Variants in TPTE observed in about 807,000 individuals in gnomAD.
TPTE encodes the protein putative tyrosine-protein phosphatase TPTE.
In TPTE, 59 loss-of-function variants were observed where a neutral mutation model predicts 84.1. The observed-to-expected ratio is 0.70, with a 90% CI of 0.57 to 0.87. TPTE has a LOEUF of 0.87. Ranked by LOEUF, TPTE falls within the 40% of genes least tolerant of loss-of-function variation. TPTE has a pLI of 0.00. For synonymous variants in TPTE, 130 were observed against 223.5 expected (o/e 0.58, Z 3.73); for missense variants, 382 against 659.6 (o/e 0.58, Z 4.61).
intron 14 of TPTE, among the ~76,000 whole-genome samples, chr21:10,575,462 T>C (rs555395096): frequency 6.4e-4 from 98 of 152,180 alleles, no homozygotes; most frequent in African/African-American, 2.3e-3. Flanking sequence ...ACAGGTGGTC[T>C]GGAGGAGGAA....
intron 18 of TPTE, among the ~76,000 whole-genome samples, chr21:10,591,887 C>T (rs2075483399): frequency 6.6e-6 from 1 of 152,308 alleles, no homozygotes; most frequent in Non-Finnish European, 1.5e-5. Context: ...TGCGGCCGGG[C>T]ACGGGTGGCT....
chr21:10,546,874 A>C (rs1199249842), intron 7 of TPTE, among the ~76,000 whole-genome samples: 1 of 152,312 alleles, frequency 6.6e-6, no homozygotes, highest in Non-Finnish European at 1.5e-5. Context: ...TAAAAGTGCA[A>C]GGTAAACAGC....
intron 14 of TPTE, among the ~76,000 whole-genome samples, chr21:10,570,845 A>T (rs1347204516): frequency 6.6e-6 from 1 of 152,310 alleles, no homozygotes; most frequent in Non-Finnish European, 1.5e-5. Context: ...TGTCTCAACT[A>T]AGCTCATTCA....
chr21:10,547,738 G>A (rs1348210639), intron 7 of TPTE, among the ~76,000 whole-genome samples: 3 of 152,312 alleles, frequency 2.0e-5, no homozygotes, highest in Non-Finnish European at 4.4e-5. Context: ...CACATGGGTG[G>A]GTTAAAGCCA....
At chr21:10,584,226 GTTAT>G (rs1202604221) in intron 17 of TPTE, among the ~76,000 whole-genome samples, 4 of 152,292 alleles carry the variant, frequency 2.6e-5, no homozygotes, top group African/African-American at 9.6e-5. Context: ...TTTTTTTGTG[GTTAT>G]TTAAATGATA....
chr21:10,596,824 T>C (rs1433853639), intron 20 of TPTE, among the ~76,000 whole-genome samples: 3 of 152,306 alleles, frequency 2.0e-5, no homozygotes, highest in Non-Finnish European at 4.4e-5. Flanking sequence ...TTTTTAGCCT[T>C]CTGAGTTTAG....
At chr21:10,555,365 C>T (rs2145657831) in intron 8 of TPTE, among the ~76,000 whole-genome samples, 1 of 152,420 alleles carries the variant, frequency 6.6e-6, no homozygotes, top group African/African-American at 2.4e-5. Context: ...CACCACCACG[C>T]CCAGCTAATT....
intron 17 of TPTE, among the ~76,000 whole-genome samples, chr21:10,585,368 C>A (rs1420083434): frequency 6.6e-6 from 1 of 151,836 alleles, no homozygotes; most frequent in Admixed American, 6.5e-5. Context: ...GATAATTTTT[C>A]TACTTTATCC....
At chr21:10,593,146 A>C (rs1395935038) in intron 19 of TPTE, among the ~76,000 whole-genome samples, 1 of 152,278 alleles carries the variant, frequency 6.6e-6, no homozygotes, top group Non-Finnish European at 1.5e-5. Context: ...CTCCACTCAC[A>C]CCCCCCAACC....
At chr21:10,566,587 A>G (rs557365845) in intron 10 of TPTE, among the ~76,000 whole-genome samples, 7 of 152,424 alleles carry the variant, frequency 4.6e-5, no homozygotes, top group Admixed American at 4.6e-4. Context: ...CATAATGGCT[A>G]AGATTTGGAA....
chr21:10,565,127 A>G (rs2074895225), intron 10 of TPTE, among the ~76,000 whole-genome samples: 1 of 152,310 alleles, frequency 6.6e-6, no homozygotes, highest in African/African-American at 2.4e-5. Context: ...TCCACCAAAA[A>G]AAACTATTAG....
At chr21:10,532,675 A>G (rs1207829439) in intron 3 of TPTE, among the ~76,000 whole-genome samples, 3 of 152,302 alleles carry the variant, frequency 2.0e-5, no homozygotes, top group African/African-American at 7.2e-5. Flanking sequence ...TATCCTACAA[A>G]CTTTGTCATG....
At chr21:10,594,098 T>C (rs1257826999) in intron 19 of TPTE, among the ~76,000 whole-genome samples, 1 of 152,306 alleles carries the variant, frequency 6.6e-6, no homozygotes, top group Non-Finnish European at 1.5e-5. Context: ...GGCAATAAAC[T>C]AAACGTTTCA....
chr21:10,560,590 T>G (rs1279865794), intron 9 of TPTE, among the ~76,000 whole-genome samples: 1 of 152,308 alleles, frequency 6.6e-6, no homozygotes, highest in African/African-American at 2.4e-5. Flanking sequence ...TTTTAAGAGC[T>G]TATGTTACTC....
chr21:10,587,410 ACC>A (rs1482933431), intron 17 of TPTE, among the ~76,000 whole-genome samples: 1 of 152,304 alleles, frequency 6.6e-6, no homozygotes, highest in Admixed American at 6.5e-5. Context: ...CATTATTGCC[ACC>A]TTGATGTCCA....
intron 8 of TPTE, among the ~76,000 whole-genome samples, chr21:10,557,218 G>T (rs1342744369): frequency 3.1e-3 from 466 of 152,190 alleles, no homozygotes; most frequent in African/African-American, 0.01. Context: ...TGGAGTGTCT[G>T]TCTGTTGCTC....
chr21:10,556,776 A>G (rs1327731837), intron 8 of TPTE, among the ~76,000 whole-genome samples: 1 of 152,304 alleles, frequency 6.6e-6, no homozygotes, highest in Admixed American at 6.5e-5. Flanking sequence ...TTTGATTTGC[A>G]TTTCTCTGAT....
chr21:10,552,846 G>C, intron 8 of TPTE, 130 bp downstream of exon 8: 1 of 1,491,556 alleles, frequency 6.7e-7, no homozygotes, highest in Non-Finnish European at 9.1e-7. Context: ...ATGGGTGGGA[G>C]TGTACACCGT....
intron 21 of TPTE, among the ~76,000 whole-genome samples, chr21:10,599,021 A>G (rs2075641459): frequency 6.6e-6 from 1 of 152,308 alleles, no homozygotes; most frequent in South Asian, 2.1e-4. Flanking sequence ...AACTCATAAC[A>G]GCCAATTATG....
Sources: gnomAD v4.1 joint callset for allele counts (sites outside exome capture counted in the v4.1 genomes callset) on GRCh38, gnomAD v4.1.1 for gene constraint, MANE v1.5 for transcripts, NCBI Gene and HGNC (gene_info 2026-07-23, HGNC 2026-07-21) for gene names.